Variants in SCML4 observed in about 807,000 individuals in gnomAD.
The protein encoded by SCML4 is sex comb on midleg-like protein 4.
A neutral mutation model predicts 41.1 loss-of-function variants in SCML4; 34 were observed. The observed-to-expected ratio is 0.83, with a 90% CI of 0.63 to 1.10. The LOEUF is 1.10. Among genes scored for constraint, SCML4 ranks in the 50% least tolerant of loss-of-function variants. The pLI is 0.00. For synonymous variants in SCML4, 214 were observed against 220.9 expected (o/e 0.97, Z 0.28); for missense variants, 522 against 534.1 (o/e 0.98, Z 0.22).
intron 5 of SCML4, among the ~76,000 whole-genome samples, chr6:107,728,999 G>A (rs1407570989): frequency 1.3e-5 from 2 of 152,162 alleles, no homozygotes; most frequent in South Asian, 4.1e-4. Context: ...ATAGCTAAGC[G>A]TAAAAGTGAC....
chr6:107,803,123 G>T (rs1356469139), intron 1 of SCML4, among the ~76,000 whole-genome samples: 1 of 150,548 alleles, frequency 6.6e-6, no homozygotes, highest in Admixed American at 6.6e-5. Flanking sequence ...GCCTGCCTTG[G>T]CCCAGCAAAG....
chr6:107,790,316 G>A (rs954279080), intron 1 of SCML4, among the ~76,000 whole-genome samples: 1 of 152,106 alleles, frequency 6.6e-6, no homozygotes, highest in Non-Finnish European at 1.5e-5. Flanking sequence ...TGAATCCTCC[G>A]CCAATATGGT....
rs190476466 is a variant in SCML4, at chr6:107,759,244, G to A, written c.157-9431C>T. Among the ~76,000 whole-genome samples the A allele has an allele frequency of 5.3e-5, 8 of 152,020 alleles. No homozygotes were observed. The East Asian group carries it at 7.7e-4, about 15-fold the overall frequency. The stretch of plus-strand genomic sequence containing the variant: ...ACTTAGGAGGCTGAGGTAGGAAGAC[G>A]GCTTGAGCCTGGGAGGCGGAGGTTG... On this transcript the variant is annotated intron_variant, in intron 2 of 7. Transcript: ENST00000369020.
intron 2 of SCML4, 25 bp from the exon 3 acceptor site, chr6:107,749,838 A>G: frequency 1.2e-6 from 2 of 1,613,576 alleles, no homozygotes; most frequent in Non-Finnish European, 1.7e-6. Context: ...CCATTTGGTC[A>G]ATGAGAATCT....
intron 6 of SCML4, among the ~76,000 whole-genome samples, chr6:107,711,701 CTTCT>C (rs1424440859): frequency 1.3e-5 from 2 of 152,152 alleles, no homozygotes; most frequent in African/African-American, 4.8e-5. Flanking sequence ...GTAATCTTTA[CTTCT>C]ATTTTAAGGC....
intron 1 of SCML4, among the ~76,000 whole-genome samples, chr6:107,803,629 A>AT (rs1241913797): frequency 4.8e-5 from 7 of 145,406 alleles, no homozygotes; most frequent in South Asian, 2.2e-4. Context: ...TGGGGAAAAG[A>AT]TTGAGAAATC....
chr6:107,749,022 A>G (rs927676838), intron 3 of SCML4, among the ~76,000 whole-genome samples: 2 of 152,124 alleles, frequency 1.3e-5, no homozygotes, highest in Non-Finnish European at 2.9e-5. Context: ...CCAGATTAAC[A>G]AGTCTGGGCT....
At chr6:107,778,150 G>T (rs1781106106) in intron 1 of SCML4, among the ~76,000 whole-genome samples, 1 of 138,462 alleles carries the variant, frequency 7.2e-6, no homozygotes, top group Admixed American at 7.4e-5. Flanking sequence ...GGGAGATCAC[G>T]CCACTGCACT....
At chr6:107,769,756 C>T (rs1780367232) in intron 2 of SCML4, among the ~76,000 whole-genome samples, 1 of 152,060 alleles carries the variant, frequency 6.6e-6, no homozygotes, top group African/African-American at 2.4e-5. Flanking sequence ...CATCTCACTA[C>T]AAAAGTTATT....
chr6:107,755,040 G>T (rs1457299232), intron 2 of SCML4, among the ~76,000 whole-genome samples: 5 of 151,880 alleles, frequency 3.3e-5, no homozygotes, highest in African/African-American at 1.2e-4. Flanking sequence ...GGAGATCGAG[G>T]CTGCAGTGAC....
intron 1 of SCML4, among the ~76,000 whole-genome samples, chr6:107,789,423 A>G (rs748490226): frequency 2.9e-4 from 44 of 152,118 alleles, no homozygotes; most frequent in Non-Finnish European, 5.1e-4. Flanking sequence ...GCATAAACAC[A>G]GGTCCCTTTC....
chr6:107,791,118 G>C (rs566287930), intron 1 of SCML4, among the ~76,000 whole-genome samples: 20 of 150,726 alleles, frequency 1.3e-4, no homozygotes, highest in African/African-American at 4.9e-4. Flanking sequence ...TAAAAATAGA[G>C]GCAACAGGGA....
intron 4 of SCML4, chr6:107,745,926 G>A (rs1408236991): frequency 5.3e-5 from 8 of 152,134 alleles, no homozygotes; most frequent in East Asian, 1.9e-4. Context: ...CCGGAAGATC[G>A]AGGCTGCAGT....
chr6:107,777,878 C>T (rs1425926577), intron 1 of SCML4, among the ~76,000 whole-genome samples: 1 of 151,914 alleles, frequency 6.6e-6, no homozygotes, highest in East Asian at 1.9e-4. Flanking sequence ...CAAATGCTGT[C>T]CAAAGATATT....
At chr6:107,825,334 A>G (rs942206437), upstream of SCML4, among the ~76,000 whole-genome samples, 1 of 152,254 alleles carries the variant, frequency 6.6e-6, no homozygotes, top group African/African-American at 2.4e-5. Flanking sequence ...ACGAAGGCTT[A>G]GGCCACAACC....
intron 2 of SCML4, among the ~76,000 whole-genome samples, chr6:107,760,134 A>G (rs1226229283): frequency 6.6e-6 from 1 of 152,252 alleles, no homozygotes; most frequent in African/African-American, 2.4e-5. Flanking sequence ...TGTTAGCACC[A>G]TATTTGGAAT....
rs1378196324 is a variant in SCML4 at position 107,823,124 on chromosome 6, A to G, written c.-60+1002T>C. ...CATATAACAAATACCCTGATTCTGAAGTGCCTGGATTACTTTCTCAAGTAC... is the reference window on the plus strand; with the variant it reads ...CATATAACAAATACCCTGATTCTGAGGTGCCTGGATTACTTTCTCAAGTAC... On this transcript the variant is annotated intron_variant, in intron 1 of 7. Transcript: ENST00000369020. 2.0e-5 allele frequency among the ~76,000 whole-genome samples: 3 copies of G among 152,194 alleles called. No homozygotes were observed. In the East Asian group the frequency reaches 5.8e-4, roughly 29 times the overall value.
At chr6:107,835,032 T>G in the SCML4 span, among the ~76,000 whole-genome samples, 10 of 152,188 alleles carry the variant, frequency 6.6e-5, no homozygotes, top group South Asian at 2.1e-3. Context: ...ATATAATATA[T>G]TGCATCAATA....
In SCML4 at chr6:107,704,587, T is replaced by G. The variant is rs2114319588; in HGVS notation, c.*613A>C. 1 of 156,086 alleles carries G rather than the reference T, an allele frequency of 6.4e-6. No individual in the cohort carries two copies. The highest frequency in any genetic ancestry group is 2.4e-5 in the African/African-American group (1 of 41,604). 9.7% of individuals were successfully genotyped at this position (156,086 alleles called of 1,614,324 possible). ...GTCAGTGAGGGTCCTGAAATTTCAT[T>G]AGCAGTCTGCCCTCTAGCGGAGAAA... On this transcript the variant is annotated 3_prime_UTR_variant, in exon 8 of 8. Transcript: ENST00000369020.
Sources: gnomAD v4.1 joint callset for allele counts (sites outside exome capture counted in the v4.1 genomes callset) on GRCh38, gnomAD v4.1.1 for gene constraint, MANE v1.5 for transcripts, NCBI Gene and HGNC (gene_info 2026-07-23, HGNC 2026-07-21) for gene names.